LRP6: variants seen among roughly 807,000 people sequenced by gnomAD.
LRP6 encodes LDL receptor related protein 6, also known as low-density lipoprotein receptor-related protein 6.
In LRP6, 43 loss-of-function variants were observed where a neutral mutation model predicts 184.1. The ratio of observed to expected loss-of-function variants is 0.23; its 90% CI spans 0.18 to 0.30. The LOEUF (loss-of-function observed/expected upper bound fraction) is 0.30. Ranked by LOEUF, LRP6 falls within the 10% of genes least tolerant of loss-of-function variation. The probability of loss-of-function intolerance (pLI) is 1.00; values close to 1 mark genes in which losing one functional copy is unlikely to be tolerated. For missense variants in LRP6, 1,571 were observed against 2,005.3 expected, an observed-to-expected ratio of 0.78 and a Z score of 4.14; for synonymous variants, 719 against 684.9, an observed-to-expected ratio of 1.05 and a Z score of -0.78.
At chr12:12,212,756 T>TA (rs1864245239) in intron 2 of LRP6, among the ~76,000 whole-genome samples, 1 of 152,082 alleles carries the variant, frequency 6.6e-6, no homozygotes, top group Non-Finnish European at 1.5e-5. Context: ...GAGAATTTTA[T>TA]TTTTTTTAAG....
At chr12:12,227,367 T>C (rs1473845954) in intron 2 of LRP6, among the ~76,000 whole-genome samples, 1 of 151,142 alleles carries the variant, frequency 6.6e-6, no homozygotes, top group East Asian at 1.9e-4. Context: ...GTAACGGCAT[T>C]AGAGAAGGAA....
intron 7 of LRP6, among the ~76,000 whole-genome samples, chr12:12,178,333 T>C (rs1453707157): frequency 6.6e-6 from 1 of 152,118 alleles, no homozygotes; most frequent in African/African-American, 2.4e-5. Context: ...AAGAAACAAA[T>C]GATTTTATTT....
chr12:12,168,759 T>C (rs1862951969), intron 7 of LRP6, among the ~76,000 whole-genome samples: 1 of 152,198 alleles, frequency 6.6e-6, no homozygotes. Context: ...TTCTGTGAGA[T>C]GGCAAGAGAG....
rs1007378629 is a variant in LRP6 at position 12,164,363 on chromosome 12, C to T, written c.1962G>A (p.Val654=). 9 of 1,613,972 alleles carry T rather than the reference C, an allele frequency of 5.6e-6. No homozygotes were observed. In the Admixed American group the frequency reaches 1.3e-4, roughly 24 times the overall value. Residue 654 remains valine, a synonymous_variant, in exon 9 of 23, where the codon GTG becomes GTA. Coordinates refer to ENST00000261349, the MANE Select transcript of LRP6 (RefSeq NM_002336.3). Reference sequence around the variant, plus strand: ...CTTTGACACCAGTGAGTGGAATAGCCACATTATTATTGTTTGTTTCCAGAG... The same window carrying T: ...CTTTGACACCAGTGAGTGGAATAGCTACATTATTATTGTTTGTTTCCAGAG... The part of the protein sequence containing the change: ...RISLETNNNN[V]AIPLTGVKEA...
In LRP6 at chr12:12,124,702, T is replaced by A. The variant is rs201308229; in HGVS notation, c.4450-40A>T. Reference sequence around the variant, plus strand: ...TAATTAAAATATTAAAATAACAACATAGAAACTATCAGACTTTCTTTCAAC... The same window carrying A: ...TAATTAAAATATTAAAATAACAACAAAGAAACTATCAGACTTTCTTTCAAC... On this transcript the variant is annotated intron_variant, in intron 21 of 22. Coordinates refer to ENST00000261349, the MANE Select transcript of LRP6 (RefSeq NM_002336.3). 3.5e-4 allele frequency: 440 copies of A among 1,257,852 alleles called. 4 individuals are homozygous for A. The highest frequency in any genetic ancestry group is 3.1e-3 in the South Asian group (242 of 79,210). 77.9% of individuals were successfully genotyped at this position (1,257,852 alleles called of 1,614,324 possible). A position where few individuals can be genotyped will look rare whatever the true frequency, so the allele number is the denominator to read the frequency against.
rs369058808 is a variant in LRP6, at chr12:12,179,401, TATAG to T, written c.1545+405_1545+408del. 3.9e-3 allele frequency among the ~76,000 whole-genome samples: 557 copies of T among 143,266 alleles called. 3 individuals are homozygous for T. Among genetic ancestry groups the T allele is most frequent in the African/African-American group, 0.015 (533 of 36,110 alleles). 94.0% of individuals were successfully genotyped at this position (143,266 alleles called of 152,430 possible). ...ATATAGATATAGATATAGATATAGATATAGATATAGATATAGATATACACATACA... is the reference window on the plus strand; with the variant it reads ...ATATAGATATAGATATAGATATAGATATATAGATATAGATATACACATACA... On this transcript the variant is annotated intron_variant, in intron 7 of 22. Transcript: ENST00000261349.
rs772335791 is a variant in LRP6, at chr12:12,138,361, T to G, written c.3571A>C (p.Ile1191Leu). Reference protein sequence around the residue: ...VQARIAQLSDIHAVKELNLQE... With the variant: ...VQARIAQLSDLHAVKELNLQE... ...AGGTTCAGCTCCTTTACTGCATGAA[T>G]GTCACTAAGCTGGGCAATTCGAGCT... is the stretch of plus-strand genomic sequence containing the variant. The change falls in exon 16 of 23, where the codon ATT becomes CTT. Residue 1191 changes from isoleucine (I) to leucine (L), a missense_variant. Transcript: ENST00000261349. 6.2e-7 allele frequency: 1 copy of G among 1,614,198 alleles called. No individual in the cohort carries two copies. The highest frequency in any genetic ancestry group is 8.5e-7 in the Non-Finnish European group (1 of 1,180,028).
rs1003643000 is a variant in LRP6, at chr12:12,206,529, C to A, written c.450-3129G>T. ...CTGCATTCCAGCCTGGGCAACAGAG[C>A]GAGACTCCATCTCAAAAAAAAAAAA... On this transcript the variant is annotated intron_variant, in intron 2 of 22. Transcript: ENST00000261349. 4.0e-5 allele frequency among the ~76,000 whole-genome samples: 5 copies of A among 126,338 alleles called. No homozygotes were observed. The East Asian group carries it at 1.1e-3, about 29-fold the overall frequency. The allele number at this position is 126,338 out of a possible 152,430, so 82.9% of individuals were successfully genotyped here. A position where few individuals can be genotyped will look rare whatever the true frequency, so the allele number is the denominator to read the frequency against.
chr12:12,227,403 C>A (rs1487769445), intron 2 of LRP6, among the ~76,000 whole-genome samples: 1 of 149,890 alleles, frequency 6.7e-6, no homozygotes, highest in Non-Finnish European at 1.5e-5. Context: ...TAAAAACTTT[C>A]TTTTCCTTTT....
chr12:12,252,189 T>TC (rs1865340035), intron 1 of LRP6, among the ~76,000 whole-genome samples: 1 of 152,068 alleles, frequency 6.6e-6, no homozygotes. Context: ...TGAACTAAAA[T>TC]CTTTTTTTTT....
At chr12:12,157,718 T>A (rs1862631695) in intron 12 of LRP6, among the ~76,000 whole-genome samples, 1 of 152,198 alleles carries the variant, frequency 6.6e-6, no homozygotes, top group Non-Finnish European at 1.5e-5. Context: ...ACCTCTAATA[T>A]CCTTAGCAGT....
At chr12:12,265,512 CTTAAA>C (rs1865733779) in intron 1 of LRP6, among the ~76,000 whole-genome samples, 1 of 152,166 alleles carries the variant, frequency 6.6e-6, no homozygotes, top group Admixed American at 6.5e-5. Context: ...GTTCTGTAAA[CTTAAA>C]TTAGTTTGGA....
chr12:12,136,946 A>G (rs868665688), intron 16 of LRP6, among the ~76,000 whole-genome samples: 2 of 152,308 alleles, frequency 1.3e-5, no homozygotes, highest in Middle Eastern at 3.4e-3. Context: ...TAAAATATTC[A>G]TGTATCGACT....
At chr12:12,156,753 C>T (rs11609634) in intron 12 of LRP6, among the ~76,000 whole-genome samples, 61,795 of 152,078 alleles carry the variant, frequency 0.41, 14,913 homozygotes, top group East Asian at 0.81. Context: ...TCTCTGTCTT[C>T]GTGCCTCTAT....
chr12:12,120,929 C>A lies in LRP6; in HGVS notation c.*197G>T. On this transcript the variant is annotated 3_prime_UTR_variant, in exon 23 of 23. Coordinates refer to ENST00000261349, the MANE Select transcript of LRP6 (RefSeq NM_002336.3). ...AACTTTTATGGCACAAGCAGCAAAT[C>A]TGCTGTTTTAAGAAAATATATAAAT... The A allele has an allele frequency of 4.4e-6, 2 of 458,186 alleles. No individual in the cohort carries two copies. Among genetic ancestry groups the A allele is most frequent in the Non-Finnish European group, 7.4e-6 (2 of 268,954 alleles). The allele number at this position is 458,186 out of a possible 1,614,324, so 28.4% of individuals were successfully genotyped here.
At chr12:12,175,059 G>A (rs1162375476) in intron 7 of LRP6, among the ~76,000 whole-genome samples, 1 of 152,042 alleles carries the variant, frequency 6.6e-6, no homozygotes, top group Non-Finnish European at 1.5e-5. Flanking sequence ...ACTCAGAAAT[G>A]AAAGTGGGCA....
Position 12,162,301 on chromosome 12 carries a change from G to A in LRP6, c.2171C>T (p.Thr724Ile). Residue 724 changes from threonine (T) to isoleucine (I), a missense_variant, in exon 10 of 23, where the codon ACA (threonine) becomes ATA (isoleucine). Coordinates refer to ENST00000261349, the MANE Select transcript of LRP6 (RefSeq NM_002336.3). ...WLGKNLYWAD[T>I]GTNRIEVSKL... Reference sequence around the variant, plus strand: ...TGACACCTCAATTCGATTCGTTCCTGTGTCTGCCCAGTACAAGTTCTTCCC... The same window carrying A: ...TGACACCTCAATTCGATTCGTTCCTATGTCTGCCCAGTACAAGTTCTTCCC... The A allele has an allele frequency of 6.2e-7, 1 of 1,614,132 alleles. No homozygotes were observed. The highest frequency in any genetic ancestry group is 8.5e-7 in the Non-Finnish European group (1 of 1,180,034).
intron 2 of LRP6, among the ~76,000 whole-genome samples, chr12:12,239,565 CATTGTA>C (rs1405386159): frequency 6.6e-6 from 1 of 152,108 alleles, no homozygotes. Flanking sequence ...CTTAAAGATT[CATTGTA>C]ATTTCTGAAG....
rs192585992 is a variant in LRP6, at chr12:12,204,605, G to T, written c.450-1205C>A. The stretch of plus-strand genomic sequence containing the variant: ...GTCTAAAAGTCTCATTACAGAAAAA[G>T]AAATTTTTCTTTGATGTAAAAGAAA... On this transcript the variant is annotated intron_variant, in intron 2 of 22. Transcript: ENST00000261349. Among the ~76,000 whole-genome samples, 23 of 152,054 alleles carry T rather than the reference G, an allele frequency of 1.5e-4. 1 individual carries two copies. In the East Asian group the frequency reaches 4.4e-3, roughly 29 times the overall value.
Sources: allele counts gnomAD v4.1 joint callset (sites outside exome capture counted in the v4.1 genomes callset), GRCh38; gene constraint gnomAD v4.1.1; transcripts MANE v1.5; gene names NCBI Gene and HGNC (gene_info 2026-07-23, HGNC 2026-07-21).